Variants in CPED1 observed in about 807,000 individuals in gnomAD.
The protein encoded by CPED1 is cadherin like and PC-esterase domain containing 1.
CPED1 carries 114 observed loss-of-function variants against 128.2 expected under a neutral mutation model. The observed-to-expected ratio is 0.89, with a 90% CI of 0.76 to 1.04. The LOEUF (loss-of-function observed/expected upper bound fraction) is 1.04, where lower values mean the gene tolerates loss of function less well. CPED1 is among the 50% of genes least tolerant of loss of function. CPED1 has a pLI of 0.00. For missense variants in CPED1, 1,211 were observed against 1,207.1 expected (o/e 1.00, Z -0.05); for synonymous variants, 462 against 426.7 (o/e 1.08, Z -1.02).
chr7:121,226,574 G>C (rs1264994942), intron 16 of CPED1, among the ~76,000 whole-genome samples: 1 of 151,934 alleles, frequency 6.6e-6, no homozygotes, highest in African/African-American at 2.4e-5. Flanking sequence ...ATCTATCTTT[G>C]TGTACTTTGT....
intron 5 of CPED1, among the ~76,000 whole-genome samples, chr7:121,084,542 G>A (rs1295200735): frequency 6.6e-6 from 1 of 152,180 alleles, no homozygotes; most frequent in East Asian, 1.9e-4. Flanking sequence ...ATTGCTATTG[G>A]TGATGTGCCT....
At chr7:121,277,551 G>T (rs1792354359) in intron 22 of CPED1, among the ~76,000 whole-genome samples, 1 of 152,048 alleles carries the variant, frequency 6.6e-6, no homozygotes, top group African/African-American at 2.4e-5. Flanking sequence ...CGGCTGCATT[G>T]CCTACACGTC....
chr7:121,215,569 T>C lies in CPED1; in HGVS notation c.2056-21145T>C, dbSNP rs182433763. On this transcript the variant is annotated intron_variant, in intron 16 of 22. Coordinates refer to ENST00000310396, the MANE Select transcript of CPED1 (RefSeq NM_024913.5). ...ATATATTTTTAACAAAGATAAACTT[T>C]GGTTGTTGATGTAGCAAGGGTCTAG... Among the ~76,000 whole-genome samples the C allele has an allele frequency of 1.1e-4, 17 of 152,214 alleles. No homozygotes were observed. The East Asian group carries it at 3.3e-3, about 30-fold the overall frequency.
intron 2 of CPED1, among the ~76,000 whole-genome samples, chr7:121,000,504 A>G (rs1434041139): frequency 6.6e-6 from 1 of 152,192 alleles, no homozygotes; most frequent in African/African-American, 2.4e-5. Flanking sequence ...GGATTAAAAT[A>G]ATTATCAAGA....
chr7:121,009,606 CAAAA>C (rs372071345), intron 2 of CPED1, among the ~76,000 whole-genome samples: 6 of 90,752 alleles, frequency 6.6e-5, no homozygotes, highest in African/African-American at 2.6e-4. Context: ...GCCCCTGTCT[CAAAA>C]AAAAAAAAAA....
chr7:120,993,119 T>G (rs1796335952), intron 2 of CPED1, among the ~76,000 whole-genome samples: 1 of 152,238 alleles, frequency 6.6e-6, no homozygotes, highest in South Asian at 2.1e-4. Flanking sequence ...CCTGACAATC[T>G]GCCAAGTCTT....
rs201615275 is a variant in CPED1 at position 121,206,669 on chromosome 7, A to AT, written c.2056-30038dup. 1.2e-3 allele frequency among the ~76,000 whole-genome samples: 188 copies of AT among 151,916 alleles called. 2 individuals are homozygous for AT. The highest frequency in any genetic ancestry group is 4.3e-3 in the African/African-American group (179 of 41,476). On this transcript the variant is annotated intron_variant, in intron 16 of 22. Transcript: ENST00000310396. ...ATACAAACTTTTGTTTGTAACCTCCATTTTTTTACTTACAATATTATGAAT... is the reference window on the plus strand; with the variant it reads ...ATACAAACTTTTGTTTGTAACCTCCATTTTTTTTACTTACAATATTATGAAT...
chr7:121,240,765 T>TAAAAAAAAATA (rs1554452610), intron 17 of CPED1, among the ~76,000 whole-genome samples: 1 of 93,788 alleles, frequency 1.1e-5, no homozygotes, highest in Admixed American at 1.3e-4. Flanking sequence ...CCTCTTCTGT[T>TAAAAAAAAATA]AAAAAAAAAA....
At chr7:121,252,405 C>G (rs36149167) in intron 18 of CPED1, among the ~76,000 whole-genome samples, 43,227 of 149,520 alleles carry the variant, frequency 0.29, 6,803 homozygotes, top group Middle Eastern at 0.44. Context: ...ACATAGACAT[C>G]GGCAAGGACT....
At chr7:121,073,807 ATTTTTTT>A (rs34082656) in intron 5 of CPED1, among the ~76,000 whole-genome samples, 4 of 134,304 alleles carry the variant, frequency 3.0e-5, no homozygotes, top group East Asian at 2.2e-4. Flanking sequence ...ACCTCTTCCC[ATTTTTTT>A]TTTTTTTTTT....
intron 3 of CPED1, among the ~76,000 whole-genome samples, chr7:121,018,745 G>T (rs559060651): frequency 6.6e-6 from 1 of 152,014 alleles, no homozygotes; most frequent in South Asian, 2.1e-4. Context: ...CATTGGATCC[G>T]AATTATTTAT....
chr7:120,992,939 A>G lies in CPED1; in HGVS notation c.249+3069A>G, dbSNP rs144725901. On this transcript the variant is annotated intron_variant, in intron 2 of 22. Transcript: ENST00000310396. ...GTAAAGCTGTTTTCAATATGGATTG[A>G]AATCATGGTATAATATATGCCAACT... 1.6e-3 allele frequency among the ~76,000 whole-genome samples: 251 copies of G among 152,276 alleles called. 2 individuals carry two copies. Among genetic ancestry groups the G allele is most frequent in the African/African-American group, 5.8e-3 (241 of 41,552 alleles).
chr7:121,254,537 G>GA (rs1038384735), intron 18 of CPED1, among the ~76,000 whole-genome samples: 4 of 151,574 alleles, frequency 2.6e-5, no homozygotes, highest in East Asian at 1.9e-4. Flanking sequence ...AAACCTAGCA[G>GA]AAAAAAATAA....
intron 16 of CPED1, among the ~76,000 whole-genome samples, chr7:121,214,530 G>C (rs955040636): frequency 6.6e-6 from 1 of 152,018 alleles, no homozygotes; most frequent in Non-Finnish European, 1.5e-5. Context: ...CTGACCTCAA[G>C]TGATCCACCT....
intron 12 of CPED1, among the ~76,000 whole-genome samples, chr7:121,131,987 CACG>C (rs1795682161): frequency 6.7e-6 from 1 of 149,192 alleles, no homozygotes; most frequent in East Asian, 2.0e-4. Context: ...ATGGGAAAAG[CACG>C]ACAAGTTTGA....
intron 2 of CPED1, among the ~76,000 whole-genome samples, chr7:120,995,945 TCTCCTCCTCCTCCTC>T (rs10572580): frequency 1.4e-5 from 2 of 147,482 alleles, no homozygotes. Flanking sequence ...TCCTCCTTCT[TCTCCTCCTCCTCCTC>T]CTCCTCCTCC....
intron 18 of CPED1, chr7:121,261,790 T>C: frequency 6.7e-7 from 1 of 1,495,606 alleles, no homozygotes; most frequent in Non-Finnish European, 9.0e-7. Context: ...TTTAATTGGG[T>C]TTGACCTATT....
At chr7:121,279,830 C>T (rs1792420039) in intron 22 of CPED1, among the ~76,000 whole-genome samples, 1 of 152,118 alleles carries the variant, frequency 6.6e-6, no homozygotes. Flanking sequence ...AGGCTGAAAA[C>T]AGAAAGATGA....
intron 16 of CPED1, among the ~76,000 whole-genome samples, chr7:121,156,882 C>T (rs1390799465): frequency 6.6e-6 from 1 of 152,010 alleles, no homozygotes. Context: ...TTGAATAACA[C>T]CAGGGCACCC....
Sources: gnomAD v4.1 joint callset for allele counts (sites outside exome capture counted in the v4.1 genomes callset) on GRCh38, gnomAD v4.1.1 for gene constraint, MANE v1.5 for transcripts, NCBI Gene and HGNC (gene_info 2026-07-23, HGNC 2026-07-21) for gene names.